LHX4: variants seen among roughly 807,000 people sequenced by gnomAD.
LHX4 encodes LIM/homeobox protein Lhx4.
A neutral mutation model predicts 39.2 loss-of-function variants in LHX4; 16 were observed. That is an observed-to-expected ratio of 0.41 (90% CI 0.28 to 0.62). LHX4 has a LOEUF of 0.62. Among genes scored for constraint, LHX4 ranks in the 20% least tolerant of loss-of-function variants. The probability of loss-of-function intolerance (pLI) is 0.33; values close to 1 mark genes in which losing one functional copy is unlikely to be tolerated. For missense variants in LHX4, 439 were observed against 511.9 expected (o/e 0.86, Z 1.37); for synonymous variants, 206 against 198.1 (o/e 1.04, Z -0.33).
At position 180,271,420 on chromosome 1, in the gene LHX4, C is replaced by A. The variant is rs1648650229; in HGVS notation, c.492C>A (p.Ile164=). The A allele has an allele frequency of 1.9e-6, 3 of 1,614,066 alleles. No individual in the cohort carries two copies. The highest frequency in any genetic ancestry group is 8.5e-7 in the Non-Finnish European group (1 of 1,180,048). Residue 164 remains isoleucine (I), a synonymous_variant, in exon 4 of 6, where the codon ATC becomes ATA. Transcript: ENST00000263726. Reference sequence around the variant, plus strand: ...GAGCTAAGCGGCCCCGGACCACCATCACAGCCAAGCAGCTGGAGACATTAA... The same window carrying A: ...GAGCTAAGCGGCCCCGGACCACCATAACAGCCAAGCAGCTGGAGACATTAA... The part of the protein sequence containing the change: ...EAGAKRPRTT[I]TAKQLETLKN...
At chr1:180,251,388 C>T (rs1055372555) in intron 2 of LHX4, among the ~76,000 whole-genome samples, 11 of 152,244 alleles carry the variant, frequency 7.2e-5, no homozygotes, top group Non-Finnish European at 1.2e-4. Flanking sequence ...CCTCAGAGTC[C>T]AGCTCCGCGG....
Position 180,266,407 on chromosome 1 carries a change from A to C in LHX4, c.264A>C (p.Lys88Asn), listed in dbSNP as rs1328622562. 1 of 1,614,122 alleles carries C rather than the reference A, an allele frequency of 6.2e-7. No individual in the cohort carries two copies. The highest frequency in any genetic ancestry group is 1.7e-5 in the Admixed American group (1 of 60,012). The change falls in exon 3 of 6, where the codon AAA becomes AAC. Residue 88 changes from lysine to asparagine, a missense_variant. Coordinates refer to ENST00000263726, the MANE Select transcript of LHX4 (RefSeq NM_033343.4). This position sits in a 1 kb window ranked among gnomAD's most constrained non-coding sequence, Gnocchi z 5.7. ...GCCCTGACAGGCGCTTCGGCACAAA[A>C]TGCACGGCCTGCCAGCAGGGTATCC... ...KEDFFKRFGTKCTACQQGIPP... is the reference protein window; with the variant it reads ...KEDFFKRFGTNCTACQQGIPP...
Position 180,261,040 on chromosome 1 carries a change from G to A in LHX4, c.249-5352G>A, listed in dbSNP as rs1648095254. Among the ~76,000 whole-genome samples the A allele has an allele frequency of 1.3e-5, 2 of 151,902 alleles. 1 individual carries two copies. Among genetic ancestry groups the A allele is most frequent in the South Asian group, 4.1e-4 (2 of 4,836 alleles). ...ATGGCGACAGCAAGTGGGATGTAAA[G>A]TCTTGTGGTTTAGTAAACCATGGGC... On this transcript the variant is annotated intron_variant, in intron 2 of 5. Transcript: ENST00000263726.
rs11484580 is a variant in LHX4, at chr1:180,265,017, C to T, written c.249-1375C>T. ...AGGCTGCTGCTGGCCATGCCTATTC[C>T]GGGCCCCCATAACCCCCTCAGCAGG... On this transcript the variant is annotated intron_variant, in intron 2 of 5. Coordinates refer to ENST00000263726, the MANE Select transcript of LHX4 (RefSeq NM_033343.4). Among the ~76,000 whole-genome samples, 1,244 of 152,296 alleles carry T rather than the reference C, an allele frequency of 8.2e-3. 18 individuals are homozygous for T. Among genetic ancestry groups the T allele is most frequent in the African/African-American group, 0.029 (1,188 of 41,546 alleles).
chr1:180,253,671 C>A (rs560476517), intron 2 of LHX4, among the ~76,000 whole-genome samples: 1 of 152,338 alleles, frequency 6.6e-6, no homozygotes, highest in South Asian at 2.1e-4. Flanking sequence ...GCTAACCCAC[C>A]GAGCTAGGAA....
chr1:180,241,323 G>A lies in LHX4; in HGVS notation c.77-6962G>A, dbSNP rs557971655. ...GAGTGTGTGTCTTCGGAATGCTTTA[G>A]AATTAAGGGAGTGGAGGAGAGTTCT... On this transcript the variant is annotated intron_variant, in intron 1 of 5. Coordinates refer to ENST00000263726, the MANE Select transcript of LHX4 (RefSeq NM_033343.4). Among the ~76,000 whole-genome samples the A allele has an allele frequency of 3.9e-5, 6 of 152,316 alleles. No homozygotes were observed. In the East Asian group the frequency reaches 9.6e-4, roughly 24 times the overall value.
chr1:180,253,623 T>A (rs533324156), intron 2 of LHX4, among the ~76,000 whole-genome samples: 2 of 152,384 alleles, frequency 1.3e-5, no homozygotes, highest in East Asian at 1.9e-4. Context: ...ACTAGGTCTT[T>A]CTGAGCCTCA....
chr1:180,269,446 T>TAAC (rs1347143480), intron 3 of LHX4, among the ~76,000 whole-genome samples: 1 of 152,200 alleles, frequency 6.6e-6, no homozygotes, highest in Non-Finnish European at 1.5e-5. Flanking sequence ...TAAATTATAA[T>TAAC]AACAGTGAAT....
intron 4 of LHX4, 131 bp downstream of exon 4, chr1:180,271,665 A>G: frequency 3.7e-6 from 5 of 1,358,888 alleles, no homozygotes; most frequent in Non-Finnish European, 5.2e-6. Flanking sequence ...CCAGAACTGA[A>G]GACAGAGTTC....
chr1:180,271,773 C>T, intron 4 of LHX4, 62 bp from the exon 5 acceptor site: 1 of 1,585,024 alleles, frequency 6.3e-7, no homozygotes, highest in South Asian at 1.1e-5. Flanking sequence ...CCTAGGGGGT[C>T]CTGGGGGCTT....
At chr1:180,271,188 T>TG in intron 3 of LHX4, 192 bp from the exon 4 acceptor site, 2 of 665,316 alleles carry the variant, frequency 3.0e-6, no homozygotes, top group Non-Finnish European at 5.5e-6. Flanking sequence ...TTCAGTGGCT[T>TG]GGGAAGGCCC....
At chr1:180,265,775 T>C (rs357048) in intron 2 of LHX4, among the ~76,000 whole-genome samples, 148,913 of 152,322 alleles carry the variant, frequency 0.98, 72,813 homozygotes, top group East Asian at 1. Context: ...GGGATGGAGG[T>C]AGGCTTGGAG....
At chr1:180,273,828 G>C (rs1038283630) in intron 5 of LHX4, 4 of 296,710 alleles carry the variant, frequency 1.3e-5, no homozygotes, top group African/African-American at 6.5e-5. Flanking sequence ...TCAGCATGTA[G>C]TTTCCATTTG....
At chr1:180,262,068 C>T (rs1359874172) in intron 2 of LHX4, among the ~76,000 whole-genome samples, 2 of 152,156 alleles carry the variant, frequency 1.3e-5, no homozygotes, top group African/African-American at 2.4e-5. Context: ...AAGGCTGAGG[C>T]TTGGCCATCT....
intron 2 of LHX4, among the ~76,000 whole-genome samples, chr1:180,257,830 C>T (rs1448896346): frequency 6.6e-6 from 1 of 152,222 alleles, no homozygotes; most frequent in African/African-American, 2.4e-5. Flanking sequence ...CTGGTCCCCA[C>T]CGACTGCCTT....
intron 2 of LHX4, among the ~76,000 whole-genome samples, chr1:180,259,681 G>A (rs1033289016): frequency 4.0e-5 from 6 of 151,690 alleles, no homozygotes; most frequent in Non-Finnish European, 8.8e-5. Flanking sequence ...GTGGATGCCC[G>A]TGCTGGGGTG....
intron 2 of LHX4, among the ~76,000 whole-genome samples, chr1:180,259,488 G>A (rs1203354604): frequency 3.3e-5 from 5 of 151,846 alleles, no homozygotes; most frequent in Admixed American, 3.3e-4. Context: ...CCCCGGGTGT[G>A]CGAGTGGAAG....
chr1:180,240,655 G>C (rs1664424757), intron 1 of LHX4, among the ~76,000 whole-genome samples: 1 of 152,158 alleles, frequency 6.6e-6, no homozygotes, highest in South Asian at 2.1e-4. Flanking sequence ...CAGTTTCTTG[G>C]AAATGAAGAA....
chr1:180,270,358 G>A (rs1648570988), intron 3 of LHX4: 1 of 152,298 alleles, frequency 6.6e-6, no homozygotes, highest in Non-Finnish European at 1.5e-5. Context: ...ACACAGGTGA[G>A]CAAGCACAGA....
Sources: gnomAD v4.1 joint callset for allele counts (sites outside exome capture counted in the v4.1 genomes callset) on GRCh38, gnomAD v4.1.1 for gene constraint, Gnocchi (gnomAD v3.1) non-coding constraint, MANE v1.5 for transcripts, NCBI Gene and HGNC (gene_info 2026-07-23, HGNC 2026-07-21) for gene names.